Variants in TRIM32 observed in about 807,000 individuals in gnomAD.
TRIM32 encodes the protein E3 ubiquitin-protein ligase TRIM32.
TRIM32 carries 19 observed loss-of-function variants against 36.0 expected under a neutral mutation model. The ratio of observed to expected loss-of-function variants is 0.53; its 90% CI spans 0.37 to 0.77. The LOEUF (loss-of-function observed/expected upper bound fraction) is 0.77. Ranked by LOEUF, TRIM32 falls within the 30% of genes least tolerant of loss-of-function variation. The pLI, the probability that TRIM32 is intolerant of heterozygous loss-of-function variation, is 0.00. For synonymous variants in TRIM32, 309 were observed against 318.5 expected, an observed-to-expected ratio of 0.97 and a Z score of 0.32; for missense variants, 747 against 845.2, an observed-to-expected ratio of 0.88 and a Z score of 1.44.
intron 1 of TRIM32, among the ~76,000 whole-genome samples, chr9:116,692,919 C>T (rs762840200): frequency 6.6e-6 from 1 of 152,074 alleles, no homozygotes; most frequent in African/African-American, 2.4e-5. Flanking sequence ...TACAGCAGCT[C>T]ATTTTCTGGG....
At chr9:116,693,751 C>T (rs1040030524) in intron 1 of TRIM32, among the ~76,000 whole-genome samples, 1 of 152,148 alleles carries the variant, frequency 6.6e-6, no homozygotes, top group Non-Finnish European at 1.5e-5. Context: ...AGAAAATGGG[C>T]AGCTTACTTA....
intron 1 of TRIM32, among the ~76,000 whole-genome samples, chr9:116,693,978 G>A (rs1188669036): frequency 2.6e-5 from 4 of 152,112 alleles, no homozygotes. Context: ...TGGGAAAAGT[G>A]GTTCTGGCTT....
At chr9:116,687,480 C>T (rs928289740) in intron 1 of TRIM32, 99 bp downstream of exon 1, 2 of 148,778 alleles carry the variant, frequency 1.3e-5, no homozygotes, top group African/African-American at 2.6e-5. Flanking sequence ...CGTGCAGCGG[C>T]CGCGCCCGAA....
chr9:116,689,890 A>C (rs897042747), intron 1 of TRIM32, among the ~76,000 whole-genome samples: 2 of 152,144 alleles, frequency 1.3e-5, no homozygotes, highest in African/African-American at 4.8e-5. Context: ...AAAACACCTC[A>C]TAGCAGGGAC....
At chr9:116,695,989 T>TATA (rs1860830177) in intron 1 of TRIM32, among the ~76,000 whole-genome samples, 1 of 152,208 alleles carries the variant, frequency 6.6e-6, no homozygotes. Context: ...TCTTACTGAC[T>TATA]ATACTTCTGG....
intron 1 of TRIM32, among the ~76,000 whole-genome samples, chr9:116,696,760 C>G (rs1358510400): frequency 6.6e-6 from 1 of 152,086 alleles, no homozygotes; most frequent in Non-Finnish European, 1.5e-5. Context: ...CCTCTTGTAT[C>G]TAGTACAGAA....
At chr9:116,689,032 G>A (rs1162953957) in intron 1 of TRIM32, among the ~76,000 whole-genome samples, 1 of 152,070 alleles carries the variant, frequency 6.6e-6, no homozygotes, top group Non-Finnish European at 1.5e-5. Context: ...GGATACTACT[G>A]GCCTCAAGTG....
Position 116,698,078 on chromosome 9 carries a change from C to T in TRIM32, c.336C>T (p.Cys112=). ...SCGRRLPRQF[C]RSCGLVLCEP... is the part of the protein sequence containing the mutation. ...GGCGGCGTCTGCCCCGGCAATTCTGCCGGAGCTGTGGTTTGGTGTTATGTG... is the reference window on the plus strand; with the variant it reads ...GGCGGCGTCTGCCCCGGCAATTCTGTCGGAGCTGTGGTTTGGTGTTATGTG... Residue 112 remains cysteine (C), a synonymous_variant, in exon 2 of 2, where the codon TGC becomes TGT. Coordinates refer to ENST00000450136, the MANE Select transcript of TRIM32 (RefSeq NM_012210.4). This position sits in a 1 kb window ranked among gnomAD's most constrained non-coding sequence, Gnocchi z 4.4. The T allele has an allele frequency of 6.2e-7, 1 of 1,614,128 alleles. No individual in the cohort carries two copies. The highest frequency in any genetic ancestry group is 8.5e-7 in the Non-Finnish European group (1 of 1,180,046).
chr9:116,698,280 A>G lies in TRIM32; in HGVS notation c.538A>G (p.Arg180Gly), dbSNP rs1860983883. ...LEGVSKDLQA[R>G]YKAVLQEYGH... ...AGGTGTCTCCAAGGACCTTCAGGCA[A>G]GGTATAAAGCAGTTCTCCAGGAGTA... is the stretch of plus-strand genomic sequence containing the variant. The change falls in exon 2 of 2, where the codon AGG (arginine) becomes GGG (glycine). Residue 180 changes from arginine (R) to glycine (G), a missense_variant. Arg to Gly is a moderately radical substitution (Grantham distance 125, BLOSUM62 -2). Coordinates refer to ENST00000450136, the MANE Select transcript of TRIM32 (RefSeq NM_012210.4). This position sits in a 1 kb window ranked among gnomAD's most constrained non-coding sequence, Gnocchi z 4.4. 6.2e-7 allele frequency: 1 copy of G among 1,614,158 alleles called. No homozygotes were observed. Among genetic ancestry groups the G allele is most frequent in the African/African-American group, 1.3e-5 (1 of 75,070 alleles).
chr9:116,699,192 G>A lies in TRIM32; in HGVS notation c.1450G>A (p.Val484Ile), dbSNP rs1861047703. 6.2e-7 allele frequency: 1 copy of A among 1,614,242 alleles called. No individual in the cohort carries two copies. The highest frequency in any genetic ancestry group is 8.5e-7 in the Non-Finnish European group (1 of 1,180,052). Reference sequence around the variant, plus strand: ...CACAGCCTTGCCATCTGGCCAGTTTGTAGTAACCGATGTGGAAGGTGGAAA... The same window carrying A: ...CACAGCCTTGCCATCTGGCCAGTTTATAGTAACCGATGTGGAAGGTGGAAA... ...GITALPSGQF[V>I]VTDVEGGKLW... Residue 484 changes from valine to isoleucine, a missense_variant, in exon 2 of 2, where the codon GTA (valine) becomes ATA (isoleucine). By Grantham distance (29) the Val-to-Ile change is conservative (BLOSUM62 3). Coordinates refer to ENST00000450136, the MANE Select transcript of TRIM32 (RefSeq NM_012210.4). The surrounding 1 kb of genome is among the most constrained non-coding windows in gnomAD (Gnocchi z 4.2).
chr9:116,698,212 G>C lies in TRIM32; in HGVS notation c.470G>C (p.Arg157Pro). 2 of 1,614,158 alleles carry C rather than the reference G, an allele frequency of 1.2e-6. No individual in the cohort carries two copies. Residue 157 changes from arginine to proline, a missense_variant, in exon 2 of 2, where the codon CGG becomes CCG. Coordinates refer to ENST00000450136, the MANE Select transcript of TRIM32 (RefSeq NM_012210.4). The surrounding 1 kb of genome is among the most constrained non-coding windows in gnomAD (Gnocchi z 4.4). ...TTTGGAGAGAAGTTAACTCGTCTGC[G>C]GGAACTTATGGGGGAGCTGCAGCGG... ...RDFGEKLTRL[R>P]ELMGELQRRK...
rs1180939705 is a variant in TRIM32 at position 116,698,926 on chromosome 9, T to TA, written c.1185dup (p.Gln396ThrfsTer20). The TA allele has an allele frequency of 3.1e-6, 5 of 1,614,106 alleles. No individual in the cohort carries two copies. Among genetic ancestry groups the TA allele is most frequent in the Non-Finnish European group, 4.2e-6 (5 of 1,180,050 alleles). The stretch of plus-strand genomic sequence containing the variant: ...GTCGCTGACCGTGGTAACTATCGTA[T>TA]ACAAGTCTTTACCCGCAAAGGCTTT... On this transcript the variant is annotated frameshift_variant, in exon 2 of 2. Transcript: ENST00000450136. LOFTEE classifies it high-confidence loss of function. This position sits in a 1 kb window ranked among gnomAD's most constrained non-coding sequence, Gnocchi z 4.4.
Position 116,697,839 on chromosome 9 carries a change from C to T in TRIM32, c.97C>T (p.Arg33Cys), listed in dbSNP as rs778141507. The change falls in exon 2 of 2, where the codon CGT (arginine) becomes TGT (cysteine). Residue 33 changes from arginine (R) to cysteine (C), a missense_variant. Physicochemically the swap from Arg to Cys is radical, Grantham distance 180. Coordinates refer to ENST00000450136, the MANE Select transcript of TRIM32 (RefSeq NM_012210.4). ...CMESFTEEQL[R>C]PKLLHCGHTI... ...GGAGTCCTTCACAGAAGAGCAGCTGCGTCCCAAGCTTCTGCACTGTGGCCA... is the reference window on the plus strand; with the variant it reads ...GGAGTCCTTCACAGAAGAGCAGCTGTGTCCCAAGCTTCTGCACTGTGGCCA... 40 of 1,614,034 alleles carry T rather than the reference C, an allele frequency of 2.5e-5. No homozygotes were observed. The highest frequency in any genetic ancestry group is 3.4e-5 in the Non-Finnish European group (40 of 1,180,038).
chr9:116,695,864 G>A lies in TRIM32; in HGVS notation c.-81-1798G>A, dbSNP rs137906049. 2.7e-3 allele frequency among the ~76,000 whole-genome samples: 407 copies of A among 152,246 alleles called. 2 individuals carry two copies. The highest frequency in any genetic ancestry group is 9.0e-3 in the African/African-American group (372 of 41,528). On this transcript the variant is annotated intron_variant, in intron 1 of 1. Coordinates refer to ENST00000450136, the MANE Select transcript of TRIM32 (RefSeq NM_012210.4). ...TTGGGTGACGCAGAGGGTACTCTAA[G>A]CCAGAAATAAACTGTCTTGATAAGG... is the stretch of plus-strand genomic sequence containing the variant.
At chr9:116,694,692 C>T (rs970827391) in intron 1 of TRIM32, among the ~76,000 whole-genome samples, 10 of 148,866 alleles carry the variant, frequency 6.7e-5, no homozygotes, top group Middle Eastern at 3.3e-3. Flanking sequence ...AGGATGGTCT[C>T]GATCTCCTGA....
chr9:116,699,456 A>G lies in TRIM32; in HGVS notation c.1714A>G (p.Asn572Asp). Residue 572 changes from asparagine to aspartate, a missense_variant, in exon 2 of 2, where the codon AAT becomes GAT. Asn to Asp is a conservative substitution (Grantham distance 23). Coordinates refer to ENST00000450136, the MANE Select transcript of TRIM32 (RefSeq NM_012210.4). The surrounding 1 kb of genome is among the most constrained non-coding windows in gnomAD (Gnocchi z 4.2). ...CCAGATTAGCCACTTCTTCTCGGAGAATGAGGATTTCCGCTGCATTGCTGG... is the reference window on the plus strand; with the variant it reads ...CCAGATTAGCCACTTCTTCTCGGAGGATGAGGATTTCCGCTGCATTGCTGG... ...GRQISHFFSE[N>D]EDFRCIAGMC... 6.2e-7 allele frequency: 1 copy of G among 1,614,080 alleles called. No homozygotes were observed.
rs1564220077 is a variant in TRIM32 at position 116,700,887 on chromosome 9, C to A, written c.*1183C>A. The A allele has an allele frequency of 6.0e-6, 1 of 166,334 alleles. No homozygotes were observed. The highest frequency in any genetic ancestry group is 1.5e-5 in the Non-Finnish European group (1 of 67,972). 10.3% of individuals were successfully genotyped at this position (166,334 alleles called of 1,614,324 possible). On this transcript the variant is annotated 3_prime_UTR_variant, in exon 2 of 2. Transcript: ENST00000450136. ...GATATCTACCCAGGTCAAAATTCAGCCAAAAGCACTATTATGTAAAGATAA... is the reference window on the plus strand; with the variant it reads ...GATATCTACCCAGGTCAAAATTCAGACAAAAGCACTATTATGTAAAGATAA...
chr9:116,699,804 C>A lies in TRIM32; in HGVS notation c.*100C>A. ...ATGCAGAATAGACTCAGCCTATGTCCTGATTCCAGCTGGGTAGTTCTAGAA... is the reference window on the plus strand; with the variant it reads ...ATGCAGAATAGACTCAGCCTATGTCATGATTCCAGCTGGGTAGTTCTAGAA... On this transcript the variant is annotated 3_prime_UTR_variant, in exon 2 of 2. Transcript: ENST00000450136. This position sits in a 1 kb window ranked among gnomAD's most constrained non-coding sequence, Gnocchi z 4.2. 6.6e-7 allele frequency: 1 copy of A among 1,514,138 alleles called. No homozygotes were observed. Among genetic ancestry groups the A allele is most frequent in the Non-Finnish European group, 9.1e-7 (1 of 1,096,838 alleles). 93.8% of individuals were successfully genotyped at this position (1,514,138 alleles called of 1,614,324 possible).
chr9:116,699,479 T>C lies in TRIM32; in HGVS notation c.1737T>C (p.Ala579=), dbSNP rs1588218802. Residue 579 remains alanine (A), a synonymous_variant, in exon 2 of 2, where the codon GCT becomes GCC. Transcript: ENST00000450136. The surrounding 1 kb of genome is among the most constrained non-coding windows in gnomAD (Gnocchi z 4.2). Reference sequence around the variant, plus strand: ...AGAATGAGGATTTCCGCTGCATTGCTGGCATGTGTGTGGATGCTCGTGGTG... The same window carrying C: ...AGAATGAGGATTTCCGCTGCATTGCCGGCATGTGTGTGGATGCTCGTGGTG... ...FSENEDFRCI[A]GMCVDARGDL... The C allele has an allele frequency of 6.2e-7, 1 of 1,614,212 alleles. No homozygotes were observed. Among genetic ancestry groups the C allele is most frequent in the Non-Finnish European group, 8.5e-7 (1 of 1,180,032 alleles).
Sources: allele counts gnomAD v4.1 joint callset (sites outside exome capture counted in the v4.1 genomes callset), GRCh38; gene constraint gnomAD v4.1.1; non-coding constraint Gnocchi (gnomAD v3.1); transcripts MANE v1.5; gene names NCBI Gene and HGNC (gene_info 2026-07-23, HGNC 2026-07-21).